TEK: variants seen among roughly 807,000 people sequenced by gnomAD.
The protein encoded by TEK is TEK receptor tyrosine kinase, also known as angiopoietin-1 receptor.
A neutral mutation model predicts 131.8 loss-of-function variants in TEK; 43 were observed. That is an observed-to-expected ratio of 0.33 (90% confidence interval 0.26 to 0.42). The LOEUF (loss-of-function observed/expected upper bound fraction) is 0.42. TEK is among the 10% of genes least tolerant of loss of function. TEK has a pLI of 1.00. For synonymous variants in TEK, 580 were observed against 491.6 expected (o/e 1.18, Z -2.38); for missense variants, 1,162 against 1,384.4 (o/e 0.84, Z 2.55).
At chr9:27,142,805 G>A (rs1208518091) in intron 1 of TEK, among the ~76,000 whole-genome samples, 1 of 152,186 alleles carries the variant, frequency 6.6e-6, no homozygotes, top group African/African-American at 2.4e-5. Flanking sequence ...TGCTTATTTT[G>A]TCTAAGCCAG....
intron 22 of TEK, among the ~76,000 whole-genome samples, chr9:27,228,698 A>T (rs759636936): frequency 6.6e-6 from 1 of 152,192 alleles, no homozygotes; most frequent in Non-Finnish European, 1.5e-5. Flanking sequence ...CAGGAACTCC[A>T]TAAAAATTTC....
At chr9:27,116,411 C>G (rs954868293) in intron 1 of TEK, among the ~76,000 whole-genome samples, 6 of 152,096 alleles carry the variant, frequency 3.9e-5, no homozygotes, top group Non-Finnish European at 7.3e-5. Context: ...ACCTCAGCCT[C>G]CTGAATAACT....
intron 1 of TEK, among the ~76,000 whole-genome samples, chr9:27,144,149 G>T (rs978756463): frequency 1.3e-5 from 2 of 152,164 alleles, no homozygotes; most frequent in African/African-American, 2.4e-5. Context: ...GGGCGTGGTG[G>T]TGCATGCCTG....
At chr9:27,190,466 C>A in intron 9 of TEK, 63 bp from the exon 10 acceptor site, 9 of 1,601,408 alleles carry the variant, frequency 5.6e-6, no homozygotes, top group Non-Finnish European at 7.7e-6. Context: ...TCTACCTCTA[C>A]CTAAGAACAA....
chr9:27,109,983 TTAAA>T (rs1463775865), intron 1 of TEK, among the ~76,000 whole-genome samples: 6 of 59,752 alleles, frequency 1.0e-4, no homozygotes, highest in Non-Finnish European at 2.5e-4. Flanking sequence ...GATTTTTTTT[TTAAA>T]GAACAAACCG....
At chr9:27,188,843 T>C (rs1321662078) in intron 9 of TEK, among the ~76,000 whole-genome samples, 2 of 152,048 alleles carry the variant, frequency 1.3e-5, no homozygotes, top group Non-Finnish European at 2.9e-5. Context: ...AGCAAATAAA[T>C]AAGTAGAATG....
At chr9:27,185,941 G>T (rs1325692877) in intron 9 of TEK, among the ~76,000 whole-genome samples, 3 of 152,144 alleles carry the variant, frequency 2.0e-5, no homozygotes, top group Non-Finnish European at 4.4e-5. Context: ...ACCTCTTAGG[G>T]TTATTGTGAA....
chr9:27,124,980 C>G (rs1821936371), intron 1 of TEK, among the ~76,000 whole-genome samples: 2 of 152,148 alleles, frequency 1.3e-5, no homozygotes, highest in Admixed American at 1.3e-4. Context: ...TCGGAACAGT[C>G]CCCAGTCGCT....
chr9:27,128,293 G>A (rs978239878), intron 1 of TEK, among the ~76,000 whole-genome samples: 1 of 152,152 alleles, frequency 6.6e-6, no homozygotes, highest in African/African-American at 2.4e-5. Context: ...TTGTAGATGT[G>A]TGGTGTTATT....
intron 1 of TEK, among the ~76,000 whole-genome samples, chr9:27,116,553 G>A (rs1356740825): frequency 1.3e-5 from 2 of 152,146 alleles, no homozygotes; most frequent in African/African-American, 4.8e-5. Context: ...AAAGTGCTGG[G>A]ATTACAGGCG....
In TEK at chr9:27,157,528, A is replaced by G. The variant is rs180936444; in HGVS notation, c.53-303A>G. ...TATTATTAATTCATCTTAATACTAC[A>G]TACATTTCCTGAATACCCAGCTATG... is the stretch of plus-strand genomic sequence containing the variant. On this transcript the variant is annotated intron_variant, in intron 1 of 22. Transcript: ENST00000380036. Among the ~76,000 whole-genome samples, 272 of 152,344 alleles carry G rather than the reference A, an allele frequency of 1.8e-3. 1 individual carries two copies. The highest frequency in any genetic ancestry group is 6.8e-3 in the Middle Eastern group (2 of 294).
At chr9:27,146,891 G>A (rs1264099882) in intron 1 of TEK, among the ~76,000 whole-genome samples, 7 of 151,686 alleles carry the variant, frequency 4.6e-5, no homozygotes, top group Non-Finnish European at 7.4e-5. Flanking sequence ...CACCACGCCC[G>A]GCTAATTTTT....
intron 21 of TEK, among the ~76,000 whole-genome samples, chr9:27,225,649 G>A (rs1349470331): frequency 6.6e-6 from 1 of 152,058 alleles, no homozygotes; most frequent in Non-Finnish European, 1.5e-5. Flanking sequence ...AGAAAACCTG[G>A]GCAATACCAT....
intron 3 of TEK, among the ~76,000 whole-genome samples, chr9:27,168,881 A>T (rs760711896): frequency 1.3e-5 from 2 of 152,264 alleles, no homozygotes; most frequent in Non-Finnish European, 2.9e-5. Context: ...CTTCAGCCAT[A>T]TAAAGTGTGA....
intron 1 of TEK, among the ~76,000 whole-genome samples, chr9:27,128,916 T>C (rs1822102240): frequency 1.3e-5 from 2 of 152,242 alleles, no homozygotes; most frequent in Non-Finnish European, 2.9e-5. Flanking sequence ...AGTCATTTCA[T>C]CTGCAAACAG....
intron 7 of TEK, among the ~76,000 whole-genome samples, 168 bp downstream of exon 7, chr9:27,180,536 C>T (rs111813503): frequency 0.012 from 1,895 of 152,244 alleles, 13 homozygotes; most frequent in Middle Eastern, 0.024. Context: ...TTTAATTCTG[C>T]TCTACTGACC....
chr9:27,129,599 C>T (rs531160642), intron 1 of TEK, among the ~76,000 whole-genome samples: 28 of 152,306 alleles, frequency 1.8e-4, no homozygotes, highest in African/African-American at 5.3e-4. Context: ...TCAGTTTTTA[C>T]TCCATCCTTC....
Position 27,185,686 on chromosome 9 carries a change from T to C in TEK, c.1327+57T>C, listed in dbSNP as rs956633715. 5.0e-6 allele frequency: 8 copies of C among 1,606,076 alleles called. No homozygotes were observed. In the African/African-American group the frequency reaches 1.1e-4, roughly 21 times the overall value. ...TCCTTGATGCATTATGTTTTTGTAT[T>C]GCTGCTTCTAGACAGAAATGTATGC... On this transcript the variant is annotated intron_variant, in intron 9 of 22. Coordinates refer to ENST00000380036, the MANE Select transcript of TEK (RefSeq NM_000459.5).
intron 1 of TEK, among the ~76,000 whole-genome samples, chr9:27,145,268 A>G (rs1822871635): frequency 1.3e-5 from 2 of 152,230 alleles, no homozygotes; most frequent in South Asian, 4.1e-4. Flanking sequence ...AAAGGGGGCA[A>G]GAATCAAAGG....
Sources: allele counts gnomAD v4.1 joint callset (sites outside exome capture counted in the v4.1 genomes callset), GRCh38; gene constraint gnomAD v4.1.1; transcripts MANE v1.5; gene names NCBI Gene and HGNC (gene_info 2026-07-23, HGNC 2026-07-21).